GGT1: variants seen among roughly 807,000 people sequenced by gnomAD.
GGT1 encodes the protein gamma-glutamyltransferase 1.
A neutral mutation model predicts 56.0 loss-of-function variants in GGT1; 21 were observed. The ratio of observed to expected loss-of-function variants is 0.38; its 90% CI spans 0.27 to 0.54. The LOEUF (loss-of-function observed/expected upper bound fraction) is 0.54. GGT1 is among the 20% of genes least tolerant of loss of function. The pLI is 0.82. For missense variants in GGT1, 466 were observed against 787.0 expected (o/e 0.59, Z 4.88); for synonymous variants, 238 against 342.6 (o/e 0.69, Z 3.37).
At chr22:24,622,742 TAA>T (rs969604182) in intron 9 of GGT1, among the ~76,000 whole-genome samples, 3 of 140,028 alleles carry the variant, frequency 2.1e-5, no homozygotes, top group Non-Finnish European at 3.1e-5. Flanking sequence ...ATCCTATCTC[TAA>T]AAAAAAAAAA....
At chr22:24,616,271 A>G (rs142587182) in intron 7 of GGT1, among the ~76,000 whole-genome samples, 4 of 151,870 alleles carry the variant, frequency 2.6e-5, no homozygotes, top group East Asian at 2.0e-4. Context: ...ATAATTAGTC[A>G]GGCGTGGTGG....
Position 24,609,992 on chromosome 22 carries a change from C to T in GGT1, c.-331C>T. 1 of 466,124 alleles carries T rather than the reference C, an allele frequency of 2.1e-6. No individual in the cohort carries two copies. Among genetic ancestry groups the T allele is most frequent in the South Asian group, 1.6e-5 (1 of 64,166 alleles). The allele number at this position is 466,124 out of a possible 1,614,324, so 28.9% of individuals were successfully genotyped here. ...AGGCAAGTGAGGTGCTGCCGTCATCCAGGCTGGACAGTTCAGTGATTTGCC... is the reference window on the plus strand; with the variant it reads ...AGGCAAGTGAGGTGCTGCCGTCATCTAGGCTGGACAGTTCAGTGATTTGCC... On this transcript the variant is annotated 5_prime_UTR_variant, in exon 3 of 16. Coordinates refer to ENST00000400382, the MANE Select transcript of GGT1 (RefSeq NM_001288833.2).
chr22:24,593,219 G>C (rs888232669), upstream of GGT1: 1 of 533,796 alleles, frequency 1.9e-6, no homozygotes, highest in South Asian at 8.2e-5. Flanking sequence ...GGTTTGGCCT[G>C]ATCACACTGG....
At chr22:24,598,195 T>C (rs2045725617), upstream of GGT1, 1 of 152,142 alleles carries the variant, frequency 6.6e-6, no homozygotes, top group African/African-American at 2.4e-5. Flanking sequence ...CCCAGCACTT[T>C]GGGAGGTCGA....
Position 24,628,362 on chromosome 22 carries a change from AC to A in GGT1, c.1538del (p.Thr513ArgfsTer11), listed in dbSNP as rs1409539261. Reference protein sequence around the residue: ...RLHNQLLPNVTTVERNIDQAV... With the variant: ...RLHNQLLPNVXTVERNIDQAV... Reference sequence around the variant, plus strand: ...GCACAACCAGCTTCTGCCCAACGTCACGACAGTGGAGAGAAACATTGACCAG... The same window carrying A: ...GCACAACCAGCTTCTGCCCAACGTCAGACAGTGGAGAGAAACATTGACCAG... On this transcript the variant is annotated frameshift_variant, in exon 15 of 16. Coordinates refer to ENST00000400382, the MANE Select transcript of GGT1 (RefSeq NM_001288833.2). LOFTEE classifies it low-confidence loss of function (END_TRUNC). The surrounding 1 kb of genome is among the most constrained non-coding windows in gnomAD (Gnocchi z 5.7). 6.2e-7 allele frequency: 1 copy of A among 1,611,332 alleles called. No individual in the cohort carries two copies. Among genetic ancestry groups the A allele is most frequent in the African/African-American group, 1.3e-5 (1 of 74,338 alleles).
chr22:24,599,952 C>T (rs909471039), upstream of GGT1, among the ~76,000 whole-genome samples: 2 of 152,168 alleles, frequency 1.3e-5, no homozygotes, highest in South Asian at 2.1e-4. Flanking sequence ...GAGACAGGAG[C>T]GGGTTGGCTT....
rs1318585751 is a variant in GGT1, at chr22:24,605,830, T to C, written c.-428-2124T>C. 1.5e-4 allele frequency among the ~76,000 whole-genome samples: 11 copies of C among 73,580 alleles called. 1 individual carries two copies. The highest frequency in any genetic ancestry group is 2.4e-4 in the Non-Finnish European group (11 of 45,150). 48.3% of individuals were successfully genotyped at this position (73,580 alleles called of 152,430 possible). A position where few individuals can be genotyped will look rare whatever the true frequency, so the allele number is the denominator to read the frequency against. On this transcript the variant is annotated intron_variant, in intron 1 of 15. Transcript: ENST00000400382. Reference sequence around the variant, plus strand: ...GTATTATATATTATATATTATATGATGTGTATTATATATTATATAATATAT... The same window carrying C: ...GTATTATATATTATATATTATATGACGTGTATTATATATTATATAATATAT...
intron 5 of GGT1, among the ~76,000 whole-genome samples, chr22:24,614,438 A>G (rs1165738072): frequency 6.7e-6 from 1 of 149,964 alleles, no homozygotes. Flanking sequence ...CAACATGGTG[A>G]AACCCCGTCT....
upstream of GGT1, chr22:24,592,231 A>G (rs970318710): frequency 1.3e-5 from 6 of 455,438 alleles, no homozygotes; most frequent in African/African-American, 1.0e-4. Context: ...TGTGTGTAGG[A>G]GCAGAGCCAC....
Position 24,620,362 on chromosome 22 carries a change from A to G in GGT1, c.417A>G (p.Arg139=). 1 of 1,611,610 alleles carries G rather than the reference A, an allele frequency of 6.2e-7. No homozygotes were observed. Among genetic ancestry groups the G allele is most frequent in the Non-Finnish European group, 8.5e-7 (1 of 1,179,720 alleles). Residue 139 remains arginine (R), a synonymous_variant, in exon 8 of 16, where the codon CGA becomes CGG. Coordinates refer to ENST00000400382, the MANE Select transcript of GGT1 (RefSeq NM_001288833.2). This position sits in a 1 kb window ranked among gnomAD's most constrained non-coding sequence, Gnocchi z 5.6. ...CGGTGGCGGTGCCTGGGGAGATCCG[A>G]GGCTATGAGCTGGCACACCAGCGGC... ...GLSVAVPGEI[R]GYELAHQRHG...
At chr22:24,619,141 T>C (rs2047250002) in intron 7 of GGT1, among the ~76,000 whole-genome samples, 1 of 152,134 alleles carries the variant, frequency 6.6e-6, no homozygotes, top group Admixed American at 6.6e-5. Context: ...CTCACGCCTG[T>C]AATCCCAGAA....
At chr22:24,586,484 G>C in the GGT1 span, 1 of 1,467,854 alleles carries the variant, frequency 6.8e-7, no homozygotes, top group Admixed American at 1.9e-5. Context: ...ACAGTGACCT[G>C]TCGGGAACAG....
chr22:24,625,240 C>T (rs1384973760), intron 11 of GGT1, among the ~76,000 whole-genome samples: 1 of 152,166 alleles, frequency 6.6e-6, no homozygotes, highest in Non-Finnish European at 1.5e-5. Context: ...GTTGTCCCTT[C>T]TCTTTACCTA....
At chr22:24,590,052 A>G (rs974277856), upstream of GGT1, 14 of 1,320,566 alleles carry the variant, frequency 1.1e-5, no homozygotes, top group Admixed American at 3.8e-4. Context: ...CTGTCTCTCC[A>G]TCTCCTCCCT....
At chr22:24,595,182 C>T (rs1057205040) in intron 1 of GGT1, among the ~76,000 whole-genome samples, 3 of 152,154 alleles carry the variant, frequency 2.0e-5, no homozygotes, top group East Asian at 1.9e-4. Flanking sequence ...TGTCCCTGGC[C>T]GAGAGGTTCC....
chr22:24,588,669 G>A, the GGT1 span: 245 of 1,118,144 alleles, frequency 2.2e-4, no homozygotes, highest in African/African-American at 8.0e-4. Flanking sequence ...AGCACCCTTC[G>A]GGGACTTGCC....
chr22:24,627,553 C>T lies in GGT1; in HGVS notation c.1142C>T (p.Thr381Ile). 1 of 1,611,776 alleles carries T rather than the reference C, an allele frequency of 6.2e-7. No individual in the cohort carries two copies. The highest frequency in any genetic ancestry group is 1.3e-5 in the African/African-American group (1 of 74,878). ...TTCTACACGCCGGATGACGGGGGCA[C>T]TGCTCACCTGTCTGTCGTCGCAGAG... ...PEFYTPDDGG[T>I]AHLSVVAEDG... Residue 381 changes from threonine to isoleucine, a missense_variant, in exon 12 of 16, where the codon ACT (threonine) becomes ATT (isoleucine). Physicochemically the swap from Thr to Ile is moderately conservative, Grantham distance 89. This residue lies in a region of GGT1 where 456 missense variants were observed against 716.7 expected (regional missense o/e 0.64). Coordinates refer to ENST00000400382, the MANE Select transcript of GGT1 (RefSeq NM_001288833.2).
Position 24,628,523 on chromosome 22 carries a change from C to A in GGT1, c.1563+135C>A, listed in dbSNP as rs4049810. 6.7e-5 allele frequency: 84 copies of A among 1,262,900 alleles called. No homozygotes were observed. The highest frequency in any genetic ancestry group is 3.2e-5 in the Non-Finnish European group (29 of 896,674). 78.2% of individuals were successfully genotyped at this position (1,262,900 alleles called of 1,614,324 possible). On this transcript the variant is annotated intron_variant, in intron 15 of 15. Transcript: ENST00000400382. The surrounding 1 kb of genome is among the most constrained non-coding windows in gnomAD (Gnocchi z 5.7). ...GCCTGGGCCATCTGGAGCCCCTGTG[C>A]CATGAGGGCCAAGCCCCCTGCTCCA...
chr22:24,604,943 G>A (rs2045940020), intron 1 of GGT1, among the ~76,000 whole-genome samples: 1 of 139,738 alleles, frequency 7.2e-6, no homozygotes, highest in South Asian at 2.2e-4. Context: ...TTCCTTTTGG[G>A]GTCAGCTGCA....
Sources: allele counts gnomAD v4.1 joint callset (sites outside exome capture counted in the v4.1 genomes callset), GRCh38; gene constraint gnomAD v4.1.1; regional missense constraint gnomAD v4.1.1; non-coding constraint Gnocchi (gnomAD v3.1); transcripts MANE v1.5; gene names NCBI Gene and HGNC (gene_info 2026-07-23, HGNC 2026-07-21).